CDH20: variants seen among roughly 807,000 people sequenced by gnomAD.
The protein encoded by CDH20 is cadherin-20.
Under a neutral mutation model 74.2 loss-of-function variants are expected in CDH20, and 29 were observed. That is an observed-to-expected ratio of 0.39 (90% CI 0.29 to 0.53). The LOEUF is 0.53. Among genes scored for constraint, CDH20 ranks in the 20% least tolerant of loss-of-function variants. CDH20 has a pLI of 0.69. For missense variants in CDH20, 988 were observed against 1,048.3 expected, an observed-to-expected ratio of 0.94 and a Z score of 0.79; for synonymous variants, 469 against 405.4, an observed-to-expected ratio of 1.16 and a Z score of -1.88.
At chr18:61,453,613 C>A (rs1171244250) in intron 1 of CDH20, among the ~76,000 whole-genome samples, 3 of 152,192 alleles carry the variant, frequency 2.0e-5, no homozygotes, top group African/African-American at 7.2e-5. Flanking sequence ...TTTCACTCAG[C>A]AATTTATCCA....
chr18:61,431,928 G>A (rs1415820792), intron 1 of CDH20, among the ~76,000 whole-genome samples: 1 of 151,902 alleles, frequency 6.6e-6, no homozygotes. Flanking sequence ...TAACATGAAC[G>A]CTTTGTATTT....
In CDH20 at chr18:61,501,267, T is replaced by A. The variant is rs59129913; in HGVS notation, c.661+765T>A. ...TTTATTTCTGTCTTACCCGAGAGCTTTGACTACAGAATTTACCTTTGGATG... is the reference window on the plus strand; with the variant it reads ...TTTATTTCTGTCTTACCCGAGAGCTATGACTACAGAATTTACCTTTGGATG... On this transcript the variant is annotated intron_variant, in intron 4 of 11. Transcript: ENST00000262717. Among the ~76,000 whole-genome samples the A allele has an allele frequency of 2.2e-3, 315 of 145,422 alleles. 2 individuals are homozygous for A. The highest frequency in any genetic ancestry group is 7.8e-3 in the African/African-American group (308 of 39,668).
rs766108152 is a variant in CDH20, at chr18:61,528,080, C to T, written c.1131C>T (p.His377=). ...LGPFQDTTTV[H]ISVEDVDEPP... ...CATTTCAGGACACAACAACAGTGCA[C>T]ATCAGTGTGGAAGACGTGGACGAGC... is the stretch of plus-strand genomic sequence containing the variant. Residue 377 remains histidine (H), a synonymous_variant, in exon 7 of 12, where the codon CAC becomes CAT. Coordinates refer to ENST00000262717, the MANE Select transcript of CDH20 (RefSeq NM_031891.4). 1.9e-6 allele frequency: 3 copies of T among 1,614,186 alleles called. No individual in the cohort carries two copies. The highest frequency in any genetic ancestry group is 2.2e-5 in the South Asian group (2 of 91,084).
At chr18:61,377,251 A>G (rs1177639498) in intron 1 of CDH20, among the ~76,000 whole-genome samples, 2 of 152,174 alleles carry the variant, frequency 1.3e-5, no homozygotes, top group East Asian at 3.9e-4. Context: ...CTGGAGAAAC[A>G]GAATTTCATG....
intron 1 of CDH20, among the ~76,000 whole-genome samples, chr18:61,372,238 C>T (rs1310187852): frequency 3.3e-5 from 5 of 151,886 alleles, no homozygotes; most frequent in African/African-American, 1.2e-4. Context: ...ATTTCTTCTC[C>T]CCACAATTTT....
At chr18:61,358,862 T>C (rs1299818197) in intron 1 of CDH20, among the ~76,000 whole-genome samples, 2 of 152,216 alleles carry the variant, frequency 1.3e-5, no homozygotes, top group African/African-American at 4.8e-5. Flanking sequence ...TTCACTGGAC[T>C]TTTGGTTTCC....
intron 1 of CDH20, among the ~76,000 whole-genome samples, chr18:61,459,958 G>C (rs1909713045): frequency 6.6e-6 from 1 of 152,174 alleles, no homozygotes; most frequent in South Asian, 2.1e-4. Flanking sequence ...AAGAGGGAAA[G>C]TGTCCCATAC....
chr18:61,501,610 A>G (rs1367187625), intron 4 of CDH20, among the ~76,000 whole-genome samples: 1 of 152,244 alleles, frequency 6.6e-6, no homozygotes, highest in East Asian at 1.9e-4. Flanking sequence ...TTCTATTATT[A>G]GCAACCTGAT....
At chr18:61,422,452 C>T (rs1221331673) in intron 1 of CDH20, among the ~76,000 whole-genome samples, 1 of 152,012 alleles carries the variant, frequency 6.6e-6, no homozygotes, top group African/African-American at 2.4e-5. Context: ...AAATAAATAG[C>T]CACATTAATG....
intron 1 of CDH20, among the ~76,000 whole-genome samples, chr18:61,402,114 A>C (rs192194497): frequency 1.6e-3 from 237 of 152,286 alleles, no homozygotes; most frequent in Non-Finnish European, 2.6e-3. Flanking sequence ...ATTTTCCCTC[A>C]CCTTGACTTC....
chr18:61,499,543 C>CAT, intron 3 of CDH20, 63 bp downstream of exon 3: 7 of 1,207,882 alleles, frequency 5.8e-6, no homozygotes, highest in Non-Finnish European at 8.3e-6. Flanking sequence ...CACACACACA[C>CAT]ATATGCACAT....
chr18:61,483,275 A>G (rs1486489015), intron 1 of CDH20, among the ~76,000 whole-genome samples: 1 of 152,082 alleles, frequency 6.6e-6, no homozygotes, highest in Non-Finnish European at 1.5e-5. Context: ...ACTATGTAGC[A>G]TTTGCCAATA....
At chr18:61,549,442 A>G (rs954305419) in intron 10 of CDH20, among the ~76,000 whole-genome samples, 4 of 152,362 alleles carry the variant, frequency 2.6e-5, no homozygotes, top group African/African-American at 9.6e-5. Flanking sequence ...TCTTTAGGAA[A>G]CACAGGAGTT....
chr18:61,469,405 C>G (rs933781595), intron 1 of CDH20, among the ~76,000 whole-genome samples: 1 of 131,446 alleles, frequency 7.6e-6, no homozygotes, highest in Non-Finnish European at 1.7e-5. Context: ...ACACACACAC[C>G]CCTATATAAA....
Position 61,538,764 on chromosome 18 carries a change from G to A in CDH20, c.1409-260G>A, listed in dbSNP as rs531891469. On this transcript the variant is annotated intron_variant, in intron 8 of 11. Transcript: ENST00000262717. ...CTCCCAAGTAGCTGGGACTACAGGC[G>A]CCCGCCACCACGCCTGGCTAATTTT... 5.3e-5 allele frequency among the ~76,000 whole-genome samples: 8 copies of A among 151,104 alleles called. No homozygotes were observed. The Middle Eastern group carries it at 0.01, about 193-fold the overall frequency.
At position 61,495,356 on chromosome 18, in the gene CDH20, G is replaced by A. The variant is rs116293723; in HGVS notation, c.247-3830G>A. ...GAATATTAAATGTGCATTGCTGCAC[G>A]GGTTATTAAGCTGGTGTCTCTCAGC... On this transcript the variant is annotated intron_variant, in intron 2 of 11. Transcript: ENST00000262717. 3.2e-3 allele frequency among the ~76,000 whole-genome samples: 487 copies of A among 152,326 alleles called. 3 individuals carry two copies. Among genetic ancestry groups the A allele is most frequent in the African/African-American group, 0.011 (462 of 41,568 alleles).
chr18:61,341,713 T>C lies in CDH20; in HGVS notation c.-153+7886T>C, dbSNP rs78771591. On this transcript the variant is annotated intron_variant, in intron 1 of 11. Transcript: ENST00000262717. Reference sequence around the variant, plus strand: ...TTAAGTAAGAATCTAAATGTATGCCTATACTTTGCACAAACTGGCAAGATC... The same window carrying C: ...TTAAGTAAGAATCTAAATGTATGCCCATACTTTGCACAAACTGGCAAGATC... Among the ~76,000 whole-genome samples, 30 of 152,336 alleles carry C rather than the reference T, an allele frequency of 2.0e-4. No individual in the cohort carries two copies. The East Asian group carries it at 2.7e-3, about 14-fold the overall frequency.
intron 1 of CDH20, among the ~76,000 whole-genome samples, chr18:61,428,517 T>A (rs1599078441): frequency 1.3e-5 from 2 of 152,058 alleles, no homozygotes; most frequent in Non-Finnish European, 2.9e-5. Context: ...ATAATGAGGG[T>A]CTTGCTGTTG....
Position 61,554,225 on chromosome 18 carries a change from C to T in CDH20, c.1936C>T (p.Arg646Trp). Residue 646 changes from arginine to tryptophan, a missense_variant, in exon 12 of 12, where the codon CGG becomes TGG. Physicochemically the swap from Arg to Trp is moderately radical, Grantham distance 101 (BLOSUM62 -3). Transcript: ENST00000262717. ...VLLILSMRRH[R>W]KQPYIIDDEE... ...GCTCATTTTGTCCATGAGGCGGCAC[C>T]GGAAACAACCATACATCATCGACGA... 2 of 1,613,100 alleles carry T rather than the reference C, an allele frequency of 1.2e-6. No individual in the cohort carries two copies. Among genetic ancestry groups the T allele is most frequent in the Non-Finnish European group, 1.7e-6 (2 of 1,179,258 alleles).
Sources: allele counts gnomAD v4.1 joint callset (sites outside exome capture counted in the v4.1 genomes callset), GRCh38; gene constraint gnomAD v4.1.1; transcripts MANE v1.5; gene names NCBI Gene and HGNC (gene_info 2026-07-23, HGNC 2026-07-21).